The following CELF2 variants were observed in gnomAD, a reference collection of about 807,000 sequenced individuals.
CELF2 encodes the protein CUGBP Elav-like family member 2.
A neutral mutation model predicts 62.6 loss-of-function variants in CELF2; 8 were observed. That is an observed-to-expected ratio of 0.13 (90% CI 0.07 to 0.23). The LOEUF (loss-of-function observed/expected upper bound fraction) is 0.23. Ranked by LOEUF, CELF2 falls within the 10% of genes least tolerant of loss-of-function variation. The pLI is 1.00. For synonymous variants in CELF2, 258 were observed against 250.0 expected, an observed-to-expected ratio of 1.03 and a Z score of -0.30; for missense variants, 333 against 671.0, an observed-to-expected ratio of 0.50 and a Z score of 5.56.
the CELF2 span, among the ~76,000 whole-genome samples, chr10:10,480,963 T>A: frequency 6.6e-5 from 10 of 152,136 alleles, no homozygotes; most frequent in Non-Finnish European, 1.5e-4. Flanking sequence ...CTCGGGAGGC[T>A]GAGGCAGGAG....
chr10:10,892,911 T>C (rs938077032), intron 1 of CELF2, among the ~76,000 whole-genome samples: 2 of 152,236 alleles, frequency 1.3e-5, no homozygotes, highest in South Asian at 2.1e-4. Context: ...GGTTATTCCT[T>C]ACATTCAGGT....
At chr10:10,749,401 T>C in the CELF2 span, among the ~76,000 whole-genome samples, 25 of 152,320 alleles carry the variant, frequency 1.6e-4, no homozygotes, top group East Asian at 2.1e-3. Context: ...TACAGTTTTA[T>C]GTGCTATCCA....
At chr10:11,062,738 G>T (rs927527054) in intron 1 of CELF2, among the ~76,000 whole-genome samples, 1 of 152,204 alleles carries the variant, frequency 6.6e-6, no homozygotes, top group Admixed American at 6.5e-5. Context: ...AATGACAAAG[G>T]ATTCATAATA....
chr10:10,541,992 T>C, the CELF2 span, among the ~76,000 whole-genome samples: 1 of 152,222 alleles, frequency 6.6e-6, no homozygotes, highest in Non-Finnish European at 1.5e-5. Flanking sequence ...TTGAAGTTCA[T>C]TTGTCAGTAA....
chr10:10,839,892 T>C (rs2058565066), intron 1 of CELF2, among the ~76,000 whole-genome samples: 1 of 152,244 alleles, frequency 6.6e-6, no homozygotes, highest in African/African-American at 2.4e-5. Flanking sequence ...CCCTAAACTC[T>C]GGCAACCGCT....
chr10:11,183,579 T>C (rs528686725), intron 2 of CELF2, among the ~76,000 whole-genome samples: 11 of 152,360 alleles, frequency 7.2e-5, no homozygotes, highest in African/African-American at 2.6e-4. Flanking sequence ...GAGAGTTTCA[T>C]TCCCTCCACA....
intron 2 of CELF2, among the ~76,000 whole-genome samples, chr10:11,195,751 T>G (rs1196549330): frequency 2.0e-5 from 3 of 152,114 alleles, no homozygotes; most frequent in Non-Finnish European, 4.4e-5. Flanking sequence ...CCTGGTGGTG[T>G]TTTATAGGAA....
intron 1 of CELF2, among the ~76,000 whole-genome samples, chr10:11,103,598 A>G (rs929714407): frequency 6.6e-6 from 1 of 151,382 alleles, no homozygotes; most frequent in Non-Finnish European, 1.5e-5. Flanking sequence ...CCTTTCTCAG[A>G]AGGTCGTCAT....
At chr10:11,219,554 A>T (rs2064216112) in intron 3 of CELF2, among the ~76,000 whole-genome samples, 1 of 152,172 alleles carries the variant, frequency 6.6e-6, no homozygotes, top group South Asian at 2.1e-4. Flanking sequence ...GAAAAGTCAG[A>T]TCTGATTTGT....
At chr10:10,877,742 G>A (rs572666800) in intron 1 of CELF2, among the ~76,000 whole-genome samples, 1 of 152,334 alleles carries the variant, frequency 6.6e-6, no homozygotes, top group African/African-American at 2.4e-5. Context: ...GACGAGTTGG[G>A]TAGGAGGGAA....
chr10:11,174,675 T>C (rs907941125), intron 2 of CELF2, among the ~76,000 whole-genome samples: 2 of 152,248 alleles, frequency 1.3e-5, no homozygotes, highest in African/African-American at 2.4e-5. Context: ...TGTTGGGCTT[T>C]ATTGCTTATG....
At chr10:10,861,430 T>G (rs2060041902) in intron 1 of CELF2, among the ~76,000 whole-genome samples, 1 of 152,166 alleles carries the variant, frequency 6.6e-6, no homozygotes, top group Admixed American at 6.5e-5. Flanking sequence ...TAGGTTGCAT[T>G]TTGCTACATA....
the CELF2 span, among the ~76,000 whole-genome samples, chr10:10,492,553 G>A: frequency 6.6e-6 from 1 of 152,148 alleles, no homozygotes; most frequent in African/African-American, 2.4e-5. Context: ...ATATGATCTA[G>A]CAGTTTCACT....
rs1441037161 is a variant in CELF2 at position 11,117,569 on chromosome 10, C to T, written c.75-47917C>T. Among the ~76,000 whole-genome samples the T allele has an allele frequency of 1.3e-5, 2 of 152,136 alleles. No individual in the cohort carries two copies. The highest frequency in any genetic ancestry group is 1.9e-4 in the East Asian group (1 of 5,196). ...TACAGCCTCTTAGGGGTTTTTATGT[C>T]TGACTCCATAATATTTATGATAAAA... is the stretch of plus-strand genomic sequence containing the variant. On this transcript the variant is annotated intron_variant, in intron 1 of 12. Coordinates refer to ENST00000633077, the MANE Select transcript of CELF2 (RefSeq NM_001326342.2). This position sits in a 1 kb window ranked among gnomAD's most constrained non-coding sequence, Gnocchi z 4.1.
the CELF2 span, among the ~76,000 whole-genome samples, chr10:10,742,340 C>T: frequency 1.1e-4 from 17 of 152,224 alleles, no homozygotes; most frequent in African/African-American, 3.8e-4. Flanking sequence ...CCTTACAATA[C>T]TCTTTTGGGT....
intron 9 of CELF2, among the ~76,000 whole-genome samples, chr10:11,291,881 ACT>A (rs1274594882): frequency 6.6e-6 from 1 of 152,208 alleles, no homozygotes; most frequent in African/African-American, 2.4e-5. Context: ...AGAGACTGTT[ACT>A]GTTACCACAC....
intron 1 of CELF2, among the ~76,000 whole-genome samples, chr10:10,864,032 C>G (rs1027978504): frequency 1.3e-5 from 2 of 152,132 alleles, no homozygotes; most frequent in African/African-American, 4.8e-5. Context: ...TTCAAACAAA[C>G]TTTTTAAAAT....
At chr10:11,209,564 ACTCT>A (rs1267161451) in intron 2 of CELF2, among the ~76,000 whole-genome samples, 1 of 108,470 alleles carries the variant, frequency 9.2e-6, no homozygotes, top group African/African-American at 3.4e-5. Flanking sequence ...AAAAAGGACT[ACTCT>A]TTTTTTTTTT....
intron 1 of CELF2, among the ~76,000 whole-genome samples, chr10:11,152,895 A>C (rs2063600689): frequency 6.6e-6 from 1 of 152,156 alleles, no homozygotes. Context: ...GCATCGAGGG[A>C]GGTGGTGGGC....
Sources: gnomAD v4.1 joint callset for allele counts (sites outside exome capture counted in the v4.1 genomes callset) on GRCh38, gnomAD v4.1.1 for gene constraint, Gnocchi (gnomAD v3.1) non-coding constraint, MANE v1.5 for transcripts, NCBI Gene and HGNC (gene_info 2026-07-23, HGNC 2026-07-21) for gene names.